Variants in ADGRL3 observed in about 807,000 individuals in gnomAD.
The protein encoded by ADGRL3 is calcium-independent alpha-latrotoxin receptor 3.
ADGRL3 carries 62 observed loss-of-function variants against 153.5 expected under a neutral mutation model. The ratio of observed to expected loss-of-function variants is 0.40; its 90% CI spans 0.33 to 0.50. The LOEUF (loss-of-function observed/expected upper bound fraction) is 0.50. ADGRL3 is among the 20% of genes least tolerant of loss of function. ADGRL3 has a pLI of 0.47. For missense variants in ADGRL3, 1,641 were observed against 1,859.4 expected, an observed-to-expected ratio of 0.88 and a Z score of 2.16; for synonymous variants, 710 against 672.5, an observed-to-expected ratio of 1.06 and a Z score of -0.86.
chr4:61,823,697 A>G (rs1345744721), intron 9 of ADGRL3, among the ~76,000 whole-genome samples: 1 of 152,220 alleles, frequency 6.6e-6, no homozygotes, highest in African/African-American at 2.4e-5. Context: ...TATTAAAAAA[A>G]ATCTGCTATG....
chr4:61,787,191 T>C (rs909494522), intron 8 of ADGRL3, among the ~76,000 whole-genome samples: 1 of 152,158 alleles, frequency 6.6e-6, no homozygotes, highest in African/African-American at 2.4e-5. Flanking sequence ...GAAGGTATCA[T>C]TTTTCTCTAA....
chr4:61,297,605 T>C (rs1033087995), intron 1 of ADGRL3, among the ~76,000 whole-genome samples: 8 of 152,168 alleles, frequency 5.3e-5, no homozygotes, highest in African/African-American at 1.7e-4. Context: ...ATGACTTTAA[T>C]TGAAGGCACA....
chr4:61,612,348 C>A (rs2149700736), intron 5 of ADGRL3, among the ~76,000 whole-genome samples: 2 of 152,210 alleles, frequency 1.3e-5, no homozygotes, highest in Admixed American at 1.3e-4. Flanking sequence ...AAATGATAGT[C>A]TGCTAAATGG....
chr4:61,538,600 C>A (rs188002288), intron 4 of ADGRL3, among the ~76,000 whole-genome samples: 194 of 152,068 alleles, frequency 1.3e-3, no homozygotes, highest in Non-Finnish European at 1.8e-3. Context: ...CCACCACGCC[C>A]GGCTAATTTT....
rs2097937436 is a variant in ADGRL3, at chr4:61,836,481, A to G, written c.1480+22592A>G. Among the ~76,000 whole-genome samples the G allele has an allele frequency of 2.6e-5, 4 of 152,072 alleles. No homozygotes were observed. In the South Asian group the frequency reaches 6.2e-4, roughly 24 times the overall value. On this transcript the variant is annotated intron_variant, in intron 9 of 26. Coordinates refer to ENST00000683033, the MANE Select transcript of ADGRL3 (RefSeq NM_001387552.1). ...GAGTAGATAATGTTAAATGGTTGAT[A>G]TGAAACTTTATAGTCCCTTTTTCAA...
rs1725574049 is a variant in ADGRL3 at position 61,934,744 on chromosome 4, G to T, written c.2113-96G>T. 5 of 874,244 alleles carry T rather than the reference G, an allele frequency of 5.7e-6. No individual in the cohort carries two copies. In the Admixed American group the frequency reaches 1.0e-4, roughly 18 times the overall value. 54.2% of individuals were successfully genotyped at this position (874,244 alleles called of 1,614,324 possible). A position where few individuals can be genotyped will look rare whatever the true frequency, so the allele number is the denominator to read the frequency against. On this transcript the variant is annotated intron_variant, in intron 13 of 26. Transcript: ENST00000683033. ...ACAATACTGAACTCATGCACACACT[G>T]CTGATCCTTGCTTGCTGGGCAACAT...
intron 25 of ADGRL3, among the ~76,000 whole-genome samples, chr4:62,051,602 TCTCA>T (rs1458366123): frequency 6.6e-6 from 1 of 151,740 alleles, no homozygotes; most frequent in African/African-American, 2.4e-5. Context: ...TAATCCAGTC[TCTCA>T]CAGCCAACTA....
chr4:61,531,184 G>A (rs981120168), intron 4 of ADGRL3, among the ~76,000 whole-genome samples: 3 of 152,156 alleles, frequency 2.0e-5, no homozygotes, highest in African/African-American at 7.2e-5. Context: ...AAGAAAATGA[G>A]TGTGTGTGTA....
chr4:61,228,010 C>T (rs1577914131), intron 1 of ADGRL3, among the ~76,000 whole-genome samples: 1 of 152,206 alleles, frequency 6.6e-6, no homozygotes, highest in Admixed American at 6.5e-5. Flanking sequence ...ATTTACATAA[C>T]TGTAGTCCAC....
chr4:61,813,894 G>GTT lies in ADGRL3; in HGVS notation c.1480+9_1480+10dup, dbSNP rs935206943. The GTT allele has an allele frequency of 1.2e-6, 2 of 1,606,940 alleles. No homozygotes were observed. The highest frequency in any genetic ancestry group is 1.7e-6 in the Non-Finnish European group (2 of 1,173,808). On this transcript the variant is annotated splice_donor_region_variant and intron_variant, in intron 9 of 26. Transcript: ENST00000683033. ...TAGAAAGACCCTCTGTTAAAGGTGA[G>GTT]TTTTTCTTTATATGAAGAAAAAGTA...
At chr4:61,486,373 A>G (rs569322789) in intron 2 of ADGRL3, among the ~76,000 whole-genome samples, 1 of 152,262 alleles carries the variant, frequency 6.6e-6, no homozygotes, top group South Asian at 2.1e-4. Context: ...TATAACACAC[A>G]TTGTCACTAG....
intron 8 of ADGRL3, among the ~76,000 whole-genome samples, chr4:61,742,427 C>T (rs537318414): frequency 3.9e-5 from 6 of 152,016 alleles, no homozygotes; most frequent in East Asian, 3.9e-4. Flanking sequence ...TACAGGCGCC[C>T]GCCACCACGC....
At chr4:61,788,009 T>C (rs1455765360) in intron 8 of ADGRL3, among the ~76,000 whole-genome samples, 1 of 152,220 alleles carries the variant, frequency 6.6e-6, no homozygotes, top group Non-Finnish European at 1.5e-5. Flanking sequence ...TATATACATA[T>C]GCCACATTTT....
intron 8 of ADGRL3, among the ~76,000 whole-genome samples, chr4:61,797,392 C>A (rs1409330706): frequency 6.6e-6 from 1 of 152,114 alleles, no homozygotes; most frequent in East Asian, 1.9e-4. Flanking sequence ...ATTATATTTT[C>A]TCCGAACTTA....
At chr4:61,549,284 C>G (rs1425502949) in intron 4 of ADGRL3, among the ~76,000 whole-genome samples, 1 of 152,054 alleles carries the variant, frequency 6.6e-6, no homozygotes, top group African/African-American at 2.4e-5. Flanking sequence ...TTGATTTCCT[C>G]TCTTCCTATT....
intron 4 of ADGRL3, among the ~76,000 whole-genome samples, chr4:61,519,855 A>G (rs974546090): frequency 6.6e-6 from 1 of 152,198 alleles, no homozygotes; most frequent in Non-Finnish European, 1.5e-5. Context: ...TAAAGCTCAA[A>G]AATAAATAAA....
chr4:61,954,178 A>G (rs1358063598), intron 17 of ADGRL3, among the ~76,000 whole-genome samples: 1 of 152,116 alleles, frequency 6.6e-6, no homozygotes, highest in African/African-American at 2.4e-5. Context: ...CCATTTTAGT[A>G]AAAGGCTACT....
At chr4:61,458,035 A>AAGAT (rs1397334553) in intron 2 of ADGRL3, among the ~76,000 whole-genome samples, 2 of 151,812 alleles carry the variant, frequency 1.3e-5, no homozygotes, top group African/African-American at 4.8e-5. Context: ...TTTTGCTTCA[A>AAGAT]AGATACCAGG....
intron 8 of ADGRL3, among the ~76,000 whole-genome samples, chr4:61,739,722 C>T (rs917690147): frequency 1.3e-5 from 2 of 152,148 alleles, no homozygotes; most frequent in Non-Finnish European, 2.9e-5. Context: ...GTCACTCCCC[C>T]CACCCTGTAC....
Sources: allele counts gnomAD v4.1 joint callset (sites outside exome capture counted in the v4.1 genomes callset), GRCh38; gene constraint gnomAD v4.1.1; transcripts MANE v1.5; gene names NCBI Gene and HGNC (gene_info 2026-07-23, HGNC 2026-07-21).